MASP1: variants seen among roughly 807,000 people sequenced by gnomAD.
The protein encoded by MASP1 is MBL associated serine protease 1, also known as mannan-binding lectin serine protease 1.
MASP1 carries 59 observed loss-of-function variants against 77.1 expected under a neutral mutation model. The ratio of observed to expected loss-of-function variants is 0.77; its 90% CI spans 0.62 to 0.95. The LOEUF (loss-of-function observed/expected upper bound fraction) is 0.95. Ranked by LOEUF, MASP1 falls within the 40% of genes least tolerant of loss-of-function variation. The pLI, the probability that MASP1 is intolerant of heterozygous loss-of-function variation, is 0.00. For synonymous variants in MASP1, 362 were observed against 354.5 expected (o/e 1.02, Z -0.24); for missense variants, 885 against 912.9 (o/e 0.97, Z 0.39).
chr3:187,284,100 C>T (rs558022316), intron 2 of MASP1, among the ~76,000 whole-genome samples: 6 of 152,296 alleles, frequency 3.9e-5, no homozygotes, highest in Non-Finnish European at 7.3e-5. Flanking sequence ...TACCAATCCG[C>T]GTTGTCTCTT....
chr3:187,288,631 A>G (rs6783637), intron 1 of MASP1, among the ~76,000 whole-genome samples: 35,316 of 152,188 alleles, frequency 0.23, 5,326 homozygotes, highest in African/African-American at 0.43. Context: ...GCCAGTTCCC[A>G]AAAAGCAAGA....
exon 13 of MASP1, chr3:187,225,417 C>T (rs375462406): frequency 1.5e-5 from 25 of 1,614,088 alleles, no homozygotes; most frequent in African/African-American, 6.7e-5. Flanking sequence ...ACGTCATTCT[C>T]GAATGTGTTG....
At chr3:187,283,760 T>A (rs2108607435) in intron 2 of MASP1, among the ~76,000 whole-genome samples, 1 of 152,374 alleles carries the variant, frequency 6.6e-6, no homozygotes, top group African/African-American at 2.4e-5. Flanking sequence ...ATTGTCATAT[T>A]AAACCAGTGT....
At chr3:187,236,703 A>G (rs1248838236) in intron 10 of MASP1, 136 bp from the exon 11 acceptor site, 8 of 1,477,072 alleles carry the variant, frequency 5.4e-6, no homozygotes, top group Non-Finnish European at 6.5e-6. Flanking sequence ...TGCCTGGGTC[A>G]TGCTAGCCTG....
exon 16 of MASP1, chr3:187,220,137 G>A (rs1711953336): frequency 5.0e-6 from 8 of 1,613,956 alleles, no homozygotes; most frequent in Non-Finnish European, 4.2e-6. Context: ...AGTATACTCC[G>A]TAGCGGTCCT....
intron 2 of MASP1, 100 bp from the exon 3 acceptor site, chr3:187,262,820 G>GCTGA: frequency 9.4e-7 from 1 of 1,066,816 alleles, no homozygotes; most frequent in Non-Finnish European, 1.4e-6. Flanking sequence ...CCAAGAGTAG[G>GCTGA]CTAGTCAGCC....
chr3:187,264,052 C>T (rs1007286211), intron 2 of MASP1, among the ~76,000 whole-genome samples: 4 of 152,176 alleles, frequency 2.6e-5, no homozygotes, highest in Non-Finnish European at 5.9e-5. Context: ...TTCTCAAAGG[C>T]GGCTATCTCT....
At chr3:187,286,097 C>A (rs1236263234) in intron 1 of MASP1, 41 bp from the exon 2 acceptor site, 1 of 1,466,296 alleles carries the variant, frequency 6.8e-7, no homozygotes, top group Non-Finnish European at 9.5e-7. Context: ...TTTATAAACA[C>A]AGGCCCCTGC....
At chr3:187,271,734 G>T (rs1716537365) in intron 2 of MASP1, among the ~76,000 whole-genome samples, 1 of 152,062 alleles carries the variant, frequency 6.6e-6, no homozygotes, top group South Asian at 2.1e-4. Flanking sequence ...TATAAAATTG[G>T]TTAATTCCAG....
chr3:187,266,293 G>A (rs895817464), intron 2 of MASP1, among the ~76,000 whole-genome samples: 1 of 152,148 alleles, frequency 6.6e-6, no homozygotes, highest in African/African-American at 2.4e-5. Context: ...TTAATGTGAA[G>A]GGTGCCAAAA....
At chr3:187,240,333 A>C (rs896917367) in intron 10 of MASP1, among the ~76,000 whole-genome samples, 3 of 152,130 alleles carry the variant, frequency 2.0e-5, no homozygotes, top group Non-Finnish European at 4.4e-5. Flanking sequence ...CAAAATACAA[A>C]TATCACCCAA....
chr3:187,255,602 T>C (rs1300599591), intron 5 of MASP1, among the ~76,000 whole-genome samples: 1 of 152,228 alleles, frequency 6.6e-6, no homozygotes, highest in Non-Finnish European at 1.5e-5. Context: ...CGGTGGCCTA[T>C]GCTTCCTGCT....
At chr3:187,228,849 G>C (rs1182534790) in intron 11 of MASP1, among the ~76,000 whole-genome samples, 1 of 152,162 alleles carries the variant, frequency 6.6e-6, no homozygotes, top group Non-Finnish European at 1.5e-5. Flanking sequence ...GCAGAGTAGG[G>C]ATTTATGTAG....
chr3:187,258,419 T>C (rs751346229), intron 4 of MASP1, among the ~76,000 whole-genome samples: 6 of 152,220 alleles, frequency 3.9e-5, no homozygotes, highest in African/African-American at 1.4e-4. Flanking sequence ...ACATGGGTCA[T>C]GTGTTGCATA....
downstream of MASP1, among the ~76,000 whole-genome samples, chr3:187,232,449 A>G (rs1054354358): frequency 2.0e-5 from 3 of 152,078 alleles, no homozygotes; most frequent in African/African-American, 7.2e-5. Context: ...GCCTACTTAC[A>G]TTTCCAGCTG....
At chr3:187,265,848 C>A (rs546917954) in intron 2 of MASP1, among the ~76,000 whole-genome samples, 6 of 152,188 alleles carry the variant, frequency 3.9e-5, no homozygotes, top group Admixed American at 1.3e-4. Context: ...CTCTTGAAAC[C>A]TTATCTTGGG....
At chr3:187,289,283 C>T (rs1291598114) in intron 1 of MASP1, among the ~76,000 whole-genome samples, 1 of 152,134 alleles carries the variant, frequency 6.6e-6, no homozygotes, top group Non-Finnish European at 1.5e-5. Context: ...CGTACACGCC[C>T]CTTGTTTCAA....
chr3:187,247,134 C>T (rs1046751553), intron 8 of MASP1: 6 of 1,450,842 alleles, frequency 4.1e-6, no homozygotes, highest in African/African-American at 2.9e-5. Context: ...GAATGATGGG[C>T]AAACCCTCAA....
intron 7 of MASP1, 41 bp from the exon 8 acceptor site, chr3:187,250,370 G>C (rs764612172): frequency 8.8e-6 from 13 of 1,470,952 alleles, no homozygotes; most frequent in Non-Finnish European, 1.2e-5. Flanking sequence ...AGAAGGAGGT[G>C]GGGGTGGTGT....
Sources: gnomAD v4.1 joint callset for allele counts (sites outside exome capture counted in the v4.1 genomes callset) on GRCh38, gnomAD v4.1.1 for gene constraint, MANE v1.5 for transcripts, NCBI Gene and HGNC (gene_info 2026-07-23, HGNC 2026-07-21) for gene names.